Variants in FAM107B observed in about 807,000 individuals in gnomAD.
The protein encoded by FAM107B is family with sequence similarity 107 member B.
FAM107B carries 21 observed loss-of-function variants against 31.5 expected under a neutral mutation model. The observed-to-expected ratio is 0.67, with a 90% confidence interval of 0.47 to 0.96. The LOEUF (loss-of-function observed/expected upper bound fraction) is 0.96, where lower values mean the gene tolerates loss of function less well. Ranked by LOEUF, FAM107B falls within the 40% of genes least tolerant of loss-of-function variation. FAM107B has a pLI of 0.00. For missense variants in FAM107B, 452 were observed against 377.1 expected, an observed-to-expected ratio of 1.20 and a Z score of -1.64; for synonymous variants, 157 against 141.5, an observed-to-expected ratio of 1.11 and a Z score of -0.78.
chr10:14,681,285 A>C (rs1009444924), intron 1 of FAM107B, among the ~76,000 whole-genome samples: 3 of 152,164 alleles, frequency 2.0e-5, no homozygotes, highest in Non-Finnish European at 2.9e-5. Flanking sequence ...GTACACACTG[A>C]AGTTTGAGAA....
intron 1 of FAM107B, 70 bp downstream of exon 1, chr10:14,774,183 A>AT (rs1219426563): frequency 1.3e-6 from 2 of 1,531,228 alleles, no homozygotes; most frequent in Non-Finnish European, 1.8e-6. Flanking sequence ...TTGCTGAAAC[A>AT]TTCGCCACAT....
intron 1 of FAM107B, among the ~76,000 whole-genome samples, chr10:14,767,051 TATATAGAGAGAGAGAG>T (rs1453975441): frequency 1.3e-3 from 40 of 31,816 alleles, no homozygotes; most frequent in African/African-American, 4.2e-3. Context: ...TATATATATA[TATATAGAGAGAGAGAG>T]AGAGAGAGAG....
chr10:14,773,044 C>G (rs972008856), intron 1 of FAM107B, among the ~76,000 whole-genome samples: 7 of 152,114 alleles, frequency 4.6e-5, no homozygotes, highest in Admixed American at 3.3e-4. Context: ...ATATCTTAAT[C>G]TGGATGTGGC....
intron 2 of FAM107B, among the ~76,000 whole-genome samples, chr10:14,548,917 G>A (rs916732261): frequency 6.6e-6 from 1 of 152,094 alleles, no homozygotes; most frequent in Non-Finnish European, 1.5e-5. Context: ...AGTATTTGGA[G>A]GTGGGACCTT....
intron 3 of FAM107B, among the ~76,000 whole-genome samples, chr10:14,525,849 T>C (rs1185507241): frequency 6.6e-6 from 1 of 152,210 alleles, no homozygotes; most frequent in Non-Finnish European, 1.5e-5. Flanking sequence ...ACTGCCAAAG[T>C]GCCCTACAAA....
intron 1 of FAM107B, among the ~76,000 whole-genome samples, chr10:14,767,045 TATATATATATAGAGAGAG>T (rs1428246996): frequency 2.5e-3 from 96 of 39,024 alleles, no homozygotes; most frequent in East Asian, 8.2e-3. Context: ...TATATATATA[TATATATATATAGAGAGAG>T]AGAGAGAGAG....
At chr10:14,572,455 G>C in intron 2 of FAM107B, 1 of 963,448 alleles carries the variant, frequency 1.0e-6, no homozygotes, top group Non-Finnish European at 1.2e-6. Context: ...AACACCTACA[G>C]CATGGAGGCC....
chr10:14,648,558 A>G (rs901365934), intron 2 of FAM107B, among the ~76,000 whole-genome samples: 1 of 152,214 alleles, frequency 6.6e-6, no homozygotes, highest in Non-Finnish European at 1.5e-5. Context: ...TCCAGCAGAC[A>G]CCGAAGAGCC....
At chr10:14,594,810 T>C (rs559934766) in intron 2 of FAM107B, among the ~76,000 whole-genome samples, 7 of 152,354 alleles carry the variant, frequency 4.6e-5, no homozygotes, top group African/African-American at 1.7e-4. Flanking sequence ...TAACTGTGCC[T>C]GGCATATAAC....
chr10:14,539,262 C>G (rs1420377772), intron 2 of FAM107B, among the ~76,000 whole-genome samples: 4 of 152,186 alleles, frequency 2.6e-5, no homozygotes, highest in African/African-American at 4.8e-5. Flanking sequence ...AGCAGGATCT[C>G]AGAGAGGCTT....
intron 1 of FAM107B, 146 bp from the exon 2 acceptor site, chr10:14,667,837 G>A (rs939507415): frequency 1.3e-6 from 1 of 760,848 alleles, no homozygotes; most frequent in Non-Finnish European, 2.2e-6. Context: ...TGAGGTTTTG[G>A]ACAAGCTACT....
chr10:14,648,969 C>G (rs1284229421), intron 2 of FAM107B, among the ~76,000 whole-genome samples: 1 of 152,288 alleles, frequency 6.6e-6, no homozygotes. Flanking sequence ...ATAATGGTAA[C>G]ACAATGGCAG....
intron 1 of FAM107B, among the ~76,000 whole-genome samples, chr10:14,773,066 A>G (rs1444450822): frequency 6.6e-6 from 1 of 152,074 alleles, no homozygotes; most frequent in Non-Finnish European, 1.5e-5. Flanking sequence ...ATACACTGAA[A>G]ATTTTGGTTT....
chr10:14,758,050 A>G (rs189239285), intron 1 of FAM107B, among the ~76,000 whole-genome samples: 99 of 152,216 alleles, frequency 6.5e-4, no homozygotes, highest in African/African-American at 2.2e-3. Context: ...ATAGGAGGGG[A>G]AAAAAAGTCT....
chr10:14,738,341 T>C (rs1468307343), intron 1 of FAM107B, among the ~76,000 whole-genome samples: 1 of 152,180 alleles, frequency 6.6e-6, no homozygotes, highest in African/African-American at 2.4e-5. Flanking sequence ...AACGAGGCAC[T>C]ATCTAGGTCA....
intron 1 of FAM107B, among the ~76,000 whole-genome samples, chr10:14,751,067 T>C (rs1234022148): frequency 6.6e-6 from 1 of 152,186 alleles, no homozygotes; most frequent in Non-Finnish European, 1.5e-5. Flanking sequence ...CCTGGCCCCA[T>C]GTGCTGTTGA....
intron 3 of FAM107B, 179 bp downstream of exon 3, chr10:14,530,153 C>G: frequency 1.5e-6 from 1 of 646,832 alleles, no homozygotes; most frequent in Non-Finnish European, 2.6e-6. Context: ...TGGCCACCTG[C>G]AGGGGATCTG....
chr10:14,547,198 G>A (rs150966962), intron 2 of FAM107B, among the ~76,000 whole-genome samples: 1 of 152,182 alleles, frequency 6.6e-6, no homozygotes, highest in African/African-American at 2.4e-5. Flanking sequence ...ATAACTACAC[G>A]TTGTGTTCCT....
At chr10:14,769,721 T>C (rs1445721477) in intron 1 of FAM107B, among the ~76,000 whole-genome samples, 2 of 152,160 alleles carry the variant, frequency 1.3e-5, no homozygotes, top group Non-Finnish European at 2.9e-5. Flanking sequence ...CCAGAAATGA[T>C]TTCCCAAACT....
Sources: gnomAD v4.1 joint callset for allele counts (sites outside exome capture counted in the v4.1 genomes callset) on GRCh38, gnomAD v4.1.1 for gene constraint, MANE v1.5 for transcripts, NCBI Gene and HGNC (gene_info 2026-07-23, HGNC 2026-07-21) for gene names.